The following PCDHA4 variants were observed in gnomAD, a reference collection of about 807,000 sequenced individuals.
PCDHA4 encodes the protein protocadherin alpha 4.
A neutral mutation model predicts 61.4 loss-of-function variants in PCDHA4; 49 were observed. That is an observed-to-expected ratio of 0.80 (90% CI 0.63 to 1.01). The LOEUF (loss-of-function observed/expected upper bound fraction) is 1.01. PCDHA4 is among the 50% of genes least tolerant of loss of function. PCDHA4 has a pLI of 0.00. For missense variants in PCDHA4, 1,254 were observed against 1,235.8 expected (o/e 1.01, Z -0.22); for synonymous variants, 590 against 550.3 (o/e 1.07, Z -1.01).
intron 1 of PCDHA4, among the ~76,000 whole-genome samples, chr5:140,975,757 A>G (rs779490429): frequency 6.6e-5 from 10 of 152,234 alleles, no homozygotes; most frequent in South Asian, 2.1e-4. Flanking sequence ...ATTCTATGTC[A>G]TAAATCACAG....
At position 140,808,495 on chromosome 5, in the gene PCDHA4, G is replaced by C. The variant is rs375134546; in HGVS notation, c.1308G>C (p.Trp436Cys). 4.7e-5 allele frequency: 76 copies of C among 1,614,062 alleles called. No homozygotes were observed. Among genetic ancestry groups the C allele is most frequent in the Admixed American group, 2.2e-4 (13 of 60,012 alleles). Residue 436 changes from tryptophan (W) to cysteine (C), a missense_variant, in exon 1 of 4, where the codon TGG (tryptophan) becomes TGC (cysteine). By Grantham distance (215) the Trp-to-Cys change is radical (BLOSUM62 -2). Coordinates refer to ENST00000530339, the MANE Select transcript of PCDHA4 (RefSeq NM_018907.4). ...GAGACGGGGGCTCGCCTTCGCTGTG[G>C]GCCACGGCCAGTGTTTCTGTGGAGG... Reference protein sequence around the residue: ...TARDGGSPSLWATASVSVEVA... With the variant: ...TARDGGSPSLCATASVSVEVA...
At chr5:140,965,311 T>G (rs1415569065) in intron 1 of PCDHA4, among the ~76,000 whole-genome samples, 1 of 152,180 alleles carries the variant, frequency 6.6e-6, no homozygotes, top group Non-Finnish European at 1.5e-5. Context: ...TTCTACCTTC[T>G]CTTTTACTGA....
intron 1 of PCDHA4, chr5:140,828,283 C>T: frequency 1.2e-6 from 2 of 1,614,118 alleles, no homozygotes; most frequent in Non-Finnish European, 8.5e-7. Context: ...CGCGCCTGTT[C>T]AGGATGGCCT....
chr5:141,010,312 G>C lies in PCDHA4; in HGVS notation c.*375G>C. On this transcript the variant is annotated 3_prime_UTR_variant, in exon 4 of 4. Transcript: ENST00000530339. ...TGCAGGGCAGGCTGAAAAGTTTTGA[G>C]ATTGAGCAGCTTGGGAGTTTGTGGC... is the stretch of plus-strand genomic sequence containing the variant. 1 of 1,547,400 alleles carries C rather than the reference G, an allele frequency of 6.5e-7. No individual in the cohort carries two copies. The highest frequency in any genetic ancestry group is 8.7e-7 in the Non-Finnish European group (1 of 1,145,752).
rs570399561 is a variant in PCDHA4, at chr5:140,943,988, C to T, written c.2386-34961C>T. ...GTTAAAGTAATTAAGAAAACAGAGA[C>T]AGAACTACTGAGTACCCCCCAAAAG... On this transcript the variant is annotated intron_variant, in intron 1 of 3. Transcript: ENST00000530339. 8.3e-4 allele frequency among the ~76,000 whole-genome samples: 126 copies of T among 152,216 alleles called. 3 individuals carry two copies. The Middle Eastern group carries it at 0.017, about 21-fold the overall frequency.
intron 1 of PCDHA4, chr5:140,860,619 CAT>C: frequency 6.6e-6 from 1 of 152,266 alleles, no homozygotes; most frequent in African/African-American, 2.4e-5. Context: ...GAAACATAAA[CAT>C]ATGCAGGAAT....
At chr5:140,811,257 T>G (rs1002878991) in intron 1 of PCDHA4, 9 of 152,306 alleles carry the variant, frequency 5.9e-5, no homozygotes, top group African/African-American at 2.2e-4. Flanking sequence ...GAACATGCAG[T>G]GTTTGGTTTT....
intron 1 of PCDHA4, among the ~76,000 whole-genome samples, chr5:140,969,822 G>C (rs559271640): frequency 2.0e-5 from 3 of 152,202 alleles, no homozygotes; most frequent in Non-Finnish European, 4.4e-5. Context: ...ACTCTGGACT[G>C]TCTACAGTGG....
In PCDHA4 at chr5:141,009,951, A is replaced by G. The variant is rs2303646; in HGVS notation, c.*14A>G. On this transcript the variant is annotated 3_prime_UTR_variant, in exon 4 of 4. Coordinates refer to ENST00000530339, the MANE Select transcript of PCDHA4 (RefSeq NM_018907.4). ...AGTGACCAGTGAGGTCCTCAAATGGAAACAAGCCACTTAGCCAGTTTTTGT... is the reference window on the plus strand; with the variant it reads ...AGTGACCAGTGAGGTCCTCAAATGGGAACAAGCCACTTAGCCAGTTTTTGT... 5,767 of 1,593,458 alleles carry G rather than the reference A, an allele frequency of 3.6e-3. 231 individuals are homozygous for G. In the East Asian group the frequency reaches 0.095, roughly 26 times the overall value.
At chr5:140,841,320 A>C (rs2150313499) in intron 1 of PCDHA4, 1 of 1,602,072 alleles carries the variant, frequency 6.2e-7, no homozygotes, top group Non-Finnish European at 8.5e-7. Flanking sequence ...CGACTATTTA[A>C]CATGGATTAT....
intron 1 of PCDHA4, among the ~76,000 whole-genome samples, chr5:140,970,348 T>A (rs2096398928): frequency 6.6e-6 from 1 of 152,186 alleles, no homozygotes; most frequent in Admixed American, 6.5e-5. Context: ...ATTTTCTGGA[T>A]CTAAAATTTG....
chr5:140,828,877 C>G (rs2150160055), intron 1 of PCDHA4: 9 of 1,614,072 alleles, frequency 5.6e-6, no homozygotes, highest in Non-Finnish European at 7.6e-6. Context: ...CAACAGTTAT[C>G]AGACTGAATG....
At position 141,010,922 on chromosome 5, in the gene PCDHA4, A is replaced by G. The variant is rs1263879494; in HGVS notation, c.*985A>G. The G allele has an allele frequency of 5.2e-5, 8 of 153,814 alleles. No homozygotes were observed. Among genetic ancestry groups the G allele is most frequent in the African/African-American group, 1.9e-4 (8 of 41,474 alleles). The allele number at this position is 153,814 out of a possible 1,614,324, so 9.5% of individuals were successfully genotyped here. A position where few individuals can be genotyped will look rare whatever the true frequency, so the allele number is the denominator to read the frequency against. ...TTCCCCTAAACTCTCCTCAAAAGAG[A>G]ATTCAGTCTACAGCCATTTAAATGA... On this transcript the variant is annotated 3_prime_UTR_variant, in exon 4 of 4. Transcript: ENST00000530339.
At chr5:140,968,992 T>C in intron 1 of PCDHA4, 1 of 1,614,220 alleles carries the variant, frequency 6.2e-7, no homozygotes, top group Non-Finnish European at 8.5e-7. Flanking sequence ...CTGCATGCTG[T>C]GGAGGCTTCT....
chr5:140,925,455 T>TTG, intron 1 of PCDHA4, among the ~76,000 whole-genome samples: 1 of 152,222 alleles, frequency 6.6e-6, no homozygotes, highest in East Asian at 1.9e-4. Flanking sequence ...GGTGTATCTG[T>TTG]TGTGGCTCAG....
At chr5:140,958,406 G>A (rs576536874) in intron 1 of PCDHA4, among the ~76,000 whole-genome samples, 2 of 152,204 alleles carry the variant, frequency 1.3e-5, no homozygotes, top group African/African-American at 4.8e-5. Context: ...CATTATCACT[G>A]ATGCTTGGAA....
Position 140,807,586 on chromosome 5 carries a change from C to G in PCDHA4, c.399C>G (p.Phe133Leu), listed in dbSNP as rs782149681. Residue 133 changes from phenylalanine to leucine, a missense_variant, in exon 1 of 4, where the codon TTC becomes TTG. By Grantham distance (22) the Phe-to-Leu change is conservative (BLOSUM62 0). Transcript: ENST00000530339. ...ACATTAACGATAACCCGCCGGTGTT[C>G]CCAGCAACACAAAAGAACCTGTCCA... Reference protein sequence around the residue: ...VRDINDNPPVFPATQKNLSIA... With the variant: ...VRDINDNPPVLPATQKNLSIA... 1.9e-6 allele frequency: 3 copies of G among 1,614,152 alleles called. No individual in the cohort carries two copies. Among genetic ancestry groups the G allele is most frequent in the South Asian group, 1.1e-5 (1 of 91,070 alleles).
Position 140,807,387 on chromosome 5 carries a change from C to T in PCDHA4, c.200C>T (p.Ala67Val). 1 of 1,488,996 alleles carries T rather than the reference C, an allele frequency of 6.7e-7. No individual in the cohort carries two copies. Among genetic ancestry groups the T allele is most frequent in the Non-Finnish European group, 9.2e-7 (1 of 1,088,900 alleles). The allele number at this position is 1,488,996 out of a possible 1,614,324, so 92.2% of individuals were successfully genotyped here. A position where few individuals can be genotyped will look rare whatever the true frequency, so the allele number is the denominator to read the frequency against. The change falls in exon 1 of 4, where the codon GCG becomes GTG. Residue 67 changes from alanine to valine, a missense_variant. Coordinates refer to ENST00000530339, the MANE Select transcript of PCDHA4 (RefSeq NM_018907.4). ...AELVPRLFRV[A>V]SKGRGGLLEV... ...CTGGTGCCGCGCCTGTTCCGGGTGG[C>T]GTCCAAGGGCCGCGGAGGCCTTCTG...
At chr5:140,950,439 G>A (rs1448812695) in intron 1 of PCDHA4, among the ~76,000 whole-genome samples, 1 of 151,962 alleles carries the variant, frequency 6.6e-6, no homozygotes, top group Non-Finnish European at 1.5e-5. Context: ...TAAAAAAAAT[G>A]TTATTCTACT....
Sources: allele counts gnomAD v4.1 joint callset (sites outside exome capture counted in the v4.1 genomes callset), GRCh38; gene constraint gnomAD v4.1.1; transcripts MANE v1.5; gene names NCBI Gene and HGNC (gene_info 2026-07-23, HGNC 2026-07-21).